Variants in COL21A1 observed in about 807,000 individuals in gnomAD.
COL21A1 encodes the protein collagen type XXI alpha 1 chain, also known as collagen alpha-1(XXI) chain.
A neutral mutation model predicts 137.9 loss-of-function variants in COL21A1; 149 were observed. That is an observed-to-expected ratio of 1.08 (90% CI 0.95 to 1.24). COL21A1 has a LOEUF of 1.24. Ranked by LOEUF, COL21A1 falls within the 50% of genes most tolerant of loss-of-function variation. The pLI, the probability that COL21A1 is intolerant of heterozygous loss-of-function variation, is 0.00. For missense variants in COL21A1, 1,167 were observed against 1,158.4 expected, an observed-to-expected ratio of 1.01 and a Z score of -0.11; for synonymous variants, 456 against 391.5, an observed-to-expected ratio of 1.16 and a Z score of -1.95.
At chr6:56,093,787 T>A (rs183473006) in intron 17 of COL21A1, among the ~76,000 whole-genome samples, 1 of 152,156 alleles carries the variant, frequency 6.6e-6, no homozygotes, top group African/African-American at 2.4e-5. Context: ...TCTGCTGATA[T>A]AACATTATCA....
At chr6:56,097,902 A>AATATATAAAT (rs1769591933) in intron 17 of COL21A1, among the ~76,000 whole-genome samples, 1 of 80,036 alleles carries the variant, frequency 1.2e-5, no homozygotes, top group African/African-American at 5.2e-5. Flanking sequence ...TAAATATATA[A>AATATATAAAT]ATATATAAAT....
intron 1 of COL21A1, among the ~76,000 whole-genome samples, chr6:56,380,932 G>A (rs915463286): frequency 9.2e-5 from 14 of 152,118 alleles, no homozygotes; most frequent in African/African-American, 2.9e-4. Flanking sequence ...ATTCGGTAAG[G>A]TGTCTTTAAA....
intron 1 of COL21A1, among the ~76,000 whole-genome samples, chr6:56,329,719 G>A (rs756493922): frequency 2.6e-5 from 4 of 152,024 alleles, no homozygotes; most frequent in Non-Finnish European, 4.4e-5. Flanking sequence ...GTCAGAGAAG[G>A]TTCAAAAAAG....
intron 1 of COL21A1, among the ~76,000 whole-genome samples, chr6:56,206,697 AAT>A (rs1204449084): frequency 0.026 from 824 of 32,106 alleles, 2 homozygotes; most frequent in African/African-American, 0.053. Flanking sequence ...TAAATAAATA[AAT>A]ATATATATAT....
intron 28 of COL21A1, 82 bp downstream of exon 28, chr6:56,059,936 C>T (rs558382000): frequency 1.4e-5 from 13 of 940,616 alleles, no homozygotes; most frequent in Middle Eastern, 2.3e-4. Flanking sequence ...AAAGTTAACT[C>T]GACTATTAAA....
rs1329224163 is a variant in COL21A1, at chr6:56,141,920, G to A, written c.1488+10C>T. The A allele has an allele frequency of 6.4e-6, 10 of 1,557,706 alleles. No homozygotes were observed. The highest frequency in any genetic ancestry group is 8.7e-6 in the Non-Finnish European group (10 of 1,147,790). ...AAAATTTATAAAATGTATATAAGTGGATCACATACTTGTATTCCTGGAGAT... is the reference window on the plus strand; with the variant it reads ...AAAATTTATAAAATGTATATAAGTGAATCACATACTTGTATTCCTGGAGAT... On this transcript the variant is annotated intron_variant, in intron 11 of 29. Coordinates refer to ENST00000244728, the MANE Select transcript of COL21A1 (RefSeq NM_030820.4).
intron 1 of COL21A1, among the ~76,000 whole-genome samples, chr6:56,193,526 C>A (rs1356310445): frequency 6.6e-6 from 1 of 152,044 alleles, no homozygotes; most frequent in Non-Finnish European, 1.5e-5. Context: ...AAACCTTTGC[C>A]TGAAAGTGGC....
intron 20 of COL21A1, among the ~76,000 whole-genome samples, chr6:56,071,382 G>C (rs764363864): frequency 2.6e-5 from 4 of 151,636 alleles, no homozygotes; most frequent in Non-Finnish European, 5.9e-5. Context: ...AAAGTGGATA[G>C]AGAAAGAGAA....
upstream of COL21A1, among the ~76,000 whole-genome samples, chr6:56,251,604 T>A (rs1782856681): frequency 6.6e-6 from 1 of 152,206 alleles, no homozygotes; most frequent in Admixed American, 6.5e-5. Context: ...TGGGAAATAT[T>A]TGAGAATATT....
At chr6:56,258,123 C>T (rs1763160387) in intron 1 of COL21A1, among the ~76,000 whole-genome samples, 1 of 152,006 alleles carries the variant, frequency 6.6e-6, no homozygotes, top group Admixed American at 6.6e-5. Flanking sequence ...TCATTTCTTT[C>T]TCATTCTTTA....
At position 56,106,988 on chromosome 6, in the gene COL21A1, C is replaced by G. The variant is rs559530766; in HGVS notation, c.1759-5463G>C. ...ATTTTTAGTAGAGACGGGGTTTCACCGTGTTAGCCAGGAGGGTCTCGATCT... is the reference window on the plus strand; with the variant it reads ...ATTTTTAGTAGAGACGGGGTTTCACGGTGTTAGCCAGGAGGGTCTCGATCT... On this transcript the variant is annotated intron_variant, in intron 16 of 29. Transcript: ENST00000244728. 3.9e-5 allele frequency among the ~76,000 whole-genome samples: 6 copies of G among 152,188 alleles called. No individual in the cohort carries two copies. The South Asian group carries it at 1.2e-3, about 32-fold the overall frequency.
chr6:56,194,669 A>T (rs1159973755), intron 1 of COL21A1, among the ~76,000 whole-genome samples: 1 of 152,210 alleles, frequency 6.6e-6, no homozygotes, highest in Non-Finnish European at 1.5e-5. Context: ...AAAATTATAA[A>T]GCCTTGATAC....
chr6:56,226,441 T>C (rs1162580086), intron 1 of COL21A1, among the ~76,000 whole-genome samples: 1 of 152,054 alleles, frequency 6.6e-6, no homozygotes. Context: ...GTAACTATCA[T>C]GAAACATTTT....
intron 12 of COL21A1, among the ~76,000 whole-genome samples, chr6:56,136,715 A>G (rs1161309466): frequency 2.0e-5 from 3 of 152,214 alleles, no homozygotes; most frequent in African/African-American, 7.2e-5. Flanking sequence ...TCAAATTCAC[A>G]TAATACTTTG....
At chr6:56,227,309 A>G (rs1781271281) in intron 1 of COL21A1, among the ~76,000 whole-genome samples, 2 of 152,078 alleles carry the variant, frequency 1.3e-5, no homozygotes, top group Admixed American at 1.3e-4. Flanking sequence ...TCATATCTAG[A>G]CAAAGCCTAT....
At chr6:56,309,045 CTTTT>C (rs71809650) in intron 1 of COL21A1, among the ~76,000 whole-genome samples, 1 of 146,052 alleles carries the variant, frequency 6.8e-6, no homozygotes, top group African/African-American at 2.5e-5. Context: ...CCTCAATTAT[CTTTT>C]TTTTTTTTTT....
At chr6:56,152,178 T>G (rs1484526017) in intron 10 of COL21A1, among the ~76,000 whole-genome samples, 1 of 152,148 alleles carries the variant, frequency 6.6e-6, no homozygotes, top group Non-Finnish European at 1.5e-5. Context: ...GAGCTTCCCT[T>G]TTCCAGCTTC....
chr6:56,190,975 A>C (rs961034953), intron 1 of COL21A1, among the ~76,000 whole-genome samples: 1 of 152,204 alleles, frequency 6.6e-6, no homozygotes, highest in African/African-American at 2.4e-5. Context: ...AAAGCTATTT[A>C]TGACAAACCC....
In COL21A1 at chr6:56,180,009, C is replaced by T; in HGVS notation, c.209G>A (p.Gly70Glu). ...LVNITKNFDI[G>E]PKFIQVGVVQ... ...CACTCCAACTTGAATAAACTTCGGCCCTATGTCAAAGTTTTTTGTGATATT... is the reference window on the plus strand; with the variant it reads ...CACTCCAACTTGAATAAACTTCGGCTCTATGTCAAAGTTTTTTGTGATATT... Residue 70 changes from glycine (G) to glutamate (E), a missense_variant, in exon 3 of 30, where the codon GGG (glycine) becomes GAG (glutamate). Coordinates refer to ENST00000244728, the MANE Select transcript of COL21A1 (RefSeq NM_030820.4). The T allele has an allele frequency of 6.2e-7, 1 of 1,613,736 alleles. No homozygotes were observed. The highest frequency in any genetic ancestry group is 8.5e-7 in the Non-Finnish European group (1 of 1,179,824).
Sources: allele counts gnomAD v4.1 joint callset (sites outside exome capture counted in the v4.1 genomes callset), GRCh38; gene constraint gnomAD v4.1.1; transcripts MANE v1.5; gene names NCBI Gene and HGNC (gene_info 2026-07-23, HGNC 2026-07-21).